Variants in PRIMPOL observed in about 807,000 individuals in gnomAD.
PRIMPOL encodes the protein primase and DNA directed polymerase.
A neutral mutation model predicts 63.6 loss-of-function variants in PRIMPOL; 54 were observed. The ratio of observed to expected loss-of-function variants is 0.85; its 90% CI spans 0.68 to 1.07. PRIMPOL has a LOEUF of 1.07. Ranked by LOEUF, PRIMPOL falls within the 50% of genes least tolerant of loss-of-function variation. PRIMPOL has a pLI of 0.00. For missense variants in PRIMPOL, 610 were observed against 648.3 expected (o/e 0.94, Z 0.64); for synonymous variants, 197 against 220.2 (o/e 0.89, Z 0.93).
chr4:184,680,091 CT>C (rs1241586768), intron 8 of PRIMPOL, among the ~76,000 whole-genome samples: 1 of 152,194 alleles, frequency 6.6e-6, no homozygotes. Context: ...CCTTCATTCC[CT>C]GTTTTTCTAG....
chr4:184,692,532 A>C (rs2696034), intron 13 of PRIMPOL, among the ~76,000 whole-genome samples: 25,562 of 150,922 alleles, frequency 0.17, 3,337 homozygotes, highest in East Asian at 0.7. Context: ...CACAAGAAGC[A>C]AAGAGGAAAG....
At chr4:184,656,940 C>G (rs935082492) in intron 2 of PRIMPOL, 142 bp from the exon 3 acceptor site, 13 of 439,948 alleles carry the variant, frequency 3.0e-5, no homozygotes, top group Middle Eastern at 5.8e-4. Context: ...TGATAACCAG[C>G]CTTGCTCTCA....
At chr4:184,659,046 T>A (rs1353214282) in intron 3 of PRIMPOL, among the ~76,000 whole-genome samples, 1 of 152,190 alleles carries the variant, frequency 6.6e-6, no homozygotes, top group Non-Finnish European at 1.5e-5. Flanking sequence ...AATAAAACTA[T>A]CATAGGAAGT....
chr4:184,689,096 G>A (rs943211864), intron 11 of PRIMPOL, among the ~76,000 whole-genome samples: 5 of 152,046 alleles, frequency 3.3e-5, no homozygotes, highest in Admixed American at 3.3e-4. Context: ...CCAGGCTTGA[G>A]TGCAGTGTGA....
Position 184,694,907 on chromosome 4 carries a change from T to C in PRIMPOL, c.*128T>C, listed in dbSNP as rs1579745236. The C allele has an allele frequency of 1.2e-6, 1 of 816,542 alleles. No individual in the cohort carries two copies. The allele number at this position is 816,542 out of a possible 1,614,324, so 50.6% of individuals were successfully genotyped here. A position where few individuals can be genotyped will look rare whatever the true frequency, so the allele number is the denominator to read the frequency against. On this transcript the variant is annotated 3_prime_UTR_variant, in exon 14 of 14. Transcript: ENST00000314970. ...TTACTTTGCTTTCCAATTTTTGTTT[T>C]TTACTTCTGTAAACCAATTTCATTA...
intron 11 of PRIMPOL, among the ~76,000 whole-genome samples, chr4:184,691,142 A>G (rs953311459): frequency 6.6e-6 from 1 of 152,182 alleles, no homozygotes; most frequent in African/African-American, 2.4e-5. Flanking sequence ...TGATCTATAA[A>G]TTACTGAGAG....
chr4:184,676,314 CCCTTCCCTTT>C (rs1338627839), intron 7 of PRIMPOL, among the ~76,000 whole-genome samples: 1,530 of 136,124 alleles, frequency 0.011, 63 homozygotes, highest in African/African-American at 0.041. Context: ...GCCTTCCCCT[CCCTTCCCTTT>C]CCTTCCCTTC....
At chr4:184,684,322 G>A (rs958040837) in intron 9 of PRIMPOL, among the ~76,000 whole-genome samples, 1 of 152,112 alleles carries the variant, frequency 6.6e-6, no homozygotes, top group East Asian at 1.9e-4. Context: ...AAGGCGTGGT[G>A]TTGCACGCCT....
chr4:184,694,413 G>T, intron 13 of PRIMPOL, 109 bp from the exon 14 acceptor site: 1 of 1,449,656 alleles, frequency 6.9e-7, no homozygotes, highest in Non-Finnish European at 9.1e-7. Flanking sequence ...ATTCACTTTA[G>T]TATCTGTCAC....
chr4:184,666,747 C>G (rs187468062), intron 6 of PRIMPOL, among the ~76,000 whole-genome samples: 1 of 152,158 alleles, frequency 6.6e-6, no homozygotes. Flanking sequence ...TTTGGGGCTT[C>G]GGTCCCAGGT....
chr4:184,686,944 T>C (rs1016194978), intron 11 of PRIMPOL, among the ~76,000 whole-genome samples: 12 of 152,242 alleles, frequency 7.9e-5, no homozygotes, highest in African/African-American at 2.7e-4. Flanking sequence ...TGTTCTTTTT[T>C]CTATGCGTAT....
chr4:184,650,498 T>TA (rs1743987528), intron 1 of PRIMPOL, among the ~76,000 whole-genome samples: 1 of 151,982 alleles, frequency 6.6e-6, no homozygotes, highest in South Asian at 2.1e-4. Context: ...ACTATTTTTT[T>TA]ATTTGTTTAT....
At chr4:184,666,567 G>A (rs751304118) in intron 6 of PRIMPOL, among the ~76,000 whole-genome samples, 6 of 152,144 alleles carry the variant, frequency 3.9e-5, no homozygotes, top group Non-Finnish European at 7.3e-5. Context: ...GACATCTTTG[G>A]CATTTGCATC....
At position 184,694,915 on chromosome 4, in the gene PRIMPOL, T is replaced by C. The variant is rs1252637454; in HGVS notation, c.*136T>C. ...CTTTCCAATTTTTGTTTTTTACTTC[T>C]GTAAACCAATTTCATTAAAAATTAG... On this transcript the variant is annotated 3_prime_UTR_variant, in exon 14 of 14. Coordinates refer to ENST00000314970, the MANE Select transcript of PRIMPOL (RefSeq NM_152683.4). The C allele has an allele frequency of 8.5e-6, 6 of 701,760 alleles. No homozygotes were observed. The highest frequency in any genetic ancestry group is 1.1e-5 in the Non-Finnish European group (5 of 437,918). 43.5% of individuals were successfully genotyped at this position (701,760 alleles called of 1,614,324 possible). A position where few individuals can be genotyped will look rare whatever the true frequency, so the allele number is the denominator to read the frequency against.
Position 184,659,419 on chromosome 4 carries a change from G to A in PRIMPOL, c.260G>A (p.Trp87Ter). The A allele has an allele frequency of 1.2e-6, 2 of 1,612,658 alleles. No individual in the cohort carries two copies. Among genetic ancestry groups the A allele is most frequent in the Non-Finnish European group, 1.7e-6 (2 of 1,178,724 alleles). ...IYLVTTYAEF[W>*]FYYKSRKNLL... ...CTTGTGACAACCTATGCTGAATTTT[G>A]GTTTTACTATAAATCCAGGTAGGTA... Residue 87 changes from tryptophan to a stop codon, truncating the protein, a stop_gained, in exon 4 of 14, where the codon TGG becomes TAG. Transcript: ENST00000314970. LOFTEE classifies it high-confidence loss of function.
chr4:184,660,038 C>T (rs1288215154), intron 4 of PRIMPOL, among the ~76,000 whole-genome samples: 1 of 151,722 alleles, frequency 6.6e-6, no homozygotes, highest in Non-Finnish European at 1.5e-5. Flanking sequence ...CCAGGCTGAT[C>T]TTGAACTCCT....
At chr4:184,667,270 C>G (rs1750189083) in intron 6 of PRIMPOL, among the ~76,000 whole-genome samples, 1 of 152,084 alleles carries the variant, frequency 6.6e-6, no homozygotes. Context: ...AGTCACCCAT[C>G]CAAACCCAAA....
rs149618643 is a variant in PRIMPOL at position 184,665,796 on chromosome 4, C to G, written c.409-121C>G. The G allele has an allele frequency of 7.4e-4, 446 of 598,966 alleles. 3 individuals carry two copies. The East Asian group carries it at 0.014, about 19-fold the overall frequency. 37.1% of individuals were successfully genotyped at this position (598,966 alleles called of 1,614,324 possible). ...CTGGGATTACAGGCATGAGCCACCA[C>G]GCCTGATCAGAAATTAATGACTTTT... On this transcript the variant is annotated intron_variant, in intron 5 of 13. Coordinates refer to ENST00000314970, the MANE Select transcript of PRIMPOL (RefSeq NM_152683.4).
chr4:184,667,373 C>T (rs941592641), intron 6 of PRIMPOL, among the ~76,000 whole-genome samples: 11 of 151,934 alleles, frequency 7.2e-5, no homozygotes, highest in African/African-American at 1.5e-4. Context: ...TGCAGTGGCA[C>T]GTTCTTGGCT....
Sources: allele counts gnomAD v4.1 joint callset (sites outside exome capture counted in the v4.1 genomes callset), GRCh38; gene constraint gnomAD v4.1.1; transcripts MANE v1.5; gene names NCBI Gene and HGNC (gene_info 2026-07-23, HGNC 2026-07-21).